RIBC2: variants seen among roughly 807,000 people sequenced by gnomAD.
RIBC2 encodes the protein RIB43A domain with coiled-coils 2, also known as RIB43A-like with coiled-coils protein 2.
In RIBC2, 40 loss-of-function variants were observed where a neutral mutation model predicts 44.3. The ratio of observed to expected loss-of-function variants is 0.90; its 90% CI spans 0.70 to 1.18. The LOEUF (loss-of-function observed/expected upper bound fraction) is 1.18, where lower values mean the gene tolerates loss of function less well. Among genes scored for constraint, RIBC2 ranks in the 50% most tolerant of loss-of-function variants. The pLI is 0.00. For missense variants in RIBC2, 459 were observed against 485.5 expected, an observed-to-expected ratio of 0.95 and a Z score of 0.51; for synonymous variants, 171 against 175.0, an observed-to-expected ratio of 0.98 and a Z score of 0.18.
In RIBC2 at chr22:45,432,445, T is replaced by C; in HGVS notation, c.*83T>C. On this transcript the variant is annotated 3_prime_UTR_variant, in exon 7 of 7. Transcript: ENST00000614167. The stretch of plus-strand genomic sequence containing the variant: ...TCACGTTTCTTTTTTAAAGATACAC[T>C]CCTTGGGCCACAAGTACCCTTCAGC... The C allele has an allele frequency of 2.3e-6, 2 of 868,728 alleles. No homozygotes were observed. The highest frequency in any genetic ancestry group is 3.0e-5 in the South Asian group (2 of 66,554). The allele number at this position is 868,728 out of a possible 1,614,324, so 53.8% of individuals were successfully genotyped here.
At chr22:45,422,851 G>A (rs995171589) in intron 4 of RIBC2, among the ~76,000 whole-genome samples, 2 of 152,056 alleles carry the variant, frequency 1.3e-5, no homozygotes, top group Admixed American at 6.5e-5. Context: ...TAATGAGCTC[G>A]AACACTGGGG....
At position 45,426,087 on chromosome 22, in the gene RIBC2, GCGTGGTCCC is replaced by G. The variant is rs774401266; in HGVS notation, c.816_824del (p.Val273_Pro275del). The G allele has an allele frequency of 6.2e-7, 1 of 1,613,966 alleles. No individual in the cohort carries two copies. Among genetic ancestry groups the G allele is most frequent in the Admixed American group, 1.7e-5 (1 of 60,012 alleles). ...GCAGCCAGCTCCTTCGGGCCCCACC[GCGTGGTCCC>G]TGACCGCTGGAAGGGCATGACCCAG... On this transcript the variant is annotated inframe_deletion, in exon 5 of 7. Coordinates refer to ENST00000614167, the MANE Select transcript of RIBC2 (RefSeq NM_015653.5).
chr22:45,429,411 G>T (rs1191319359), intron 5 of RIBC2, among the ~76,000 whole-genome samples: 1 of 152,172 alleles, frequency 6.6e-6, no homozygotes, highest in East Asian at 1.9e-4. Flanking sequence ...TCTGGAGAGG[G>T]TCTCAAACCT....
intron 4 of RIBC2, among the ~76,000 whole-genome samples, chr22:45,422,815 G>A (rs532982129): frequency 6.6e-6 from 1 of 152,176 alleles, no homozygotes; most frequent in South Asian, 2.1e-4. Flanking sequence ...GATGCTCACC[G>A]ATGGCAGGGA....
chr22:45,425,047 G>T (rs889903654), intron 4 of RIBC2, among the ~76,000 whole-genome samples: 11 of 152,032 alleles, frequency 7.2e-5, no homozygotes, highest in Non-Finnish European at 1.5e-5. Flanking sequence ...CTTGAACCTG[G>T]GAGGCAGAGG....
At chr22:45,414,296 C>G (rs1420474856) in intron 1 of RIBC2, 26 bp from the exon 2 acceptor site, 1 of 1,541,276 alleles carries the variant, frequency 6.5e-7, no homozygotes, top group Non-Finnish European at 8.7e-7. Context: ...GGCTCTAACC[C>G]TTCTCCTCTG....
In RIBC2 at chr22:45,426,231, T is replaced by G. The variant is rs1359428402; in HGVS notation, c.903+56T>G. On this transcript the variant is annotated intron_variant, in intron 5 of 6. Coordinates refer to ENST00000614167, the MANE Select transcript of RIBC2 (RefSeq NM_015653.5). Reference sequence around the variant, plus strand: ...ATAGAGCCAGGCTCTTTGCTCCCACTGCCTTCCAGGCACAAATGTAGTTGT... The same window carrying G: ...ATAGAGCCAGGCTCTTTGCTCCCACGGCCTTCCAGGCACAAATGTAGTTGT... The G allele has an allele frequency of 1.3e-5, 19 of 1,460,648 alleles. No homozygotes were observed. The Admixed American group carries it at 3.4e-4, about 26-fold the overall frequency. 90.5% of individuals were successfully genotyped at this position (1,460,648 alleles called of 1,614,324 possible). A position where few individuals can be genotyped will look rare whatever the true frequency, so the allele number is the denominator to read the frequency against.
In RIBC2 at chr22:45,430,050, C is replaced by T. The variant is rs536689855; in HGVS notation, c.904-850C>T. Among the ~76,000 whole-genome samples, 40 of 152,290 alleles carry T rather than the reference C, an allele frequency of 2.6e-4. No homozygotes were observed. In the East Asian group the frequency reaches 7.7e-3, roughly 29 times the overall value. ...AAGCAGCTTGTGTGATGACCCTGGGCTCCTGAGAGCAGCCTGGCTTTACAG... is the reference window on the plus strand; with the variant it reads ...AAGCAGCTTGTGTGATGACCCTGGGTTCCTGAGAGCAGCCTGGCTTTACAG... On this transcript the variant is annotated intron_variant, in intron 5 of 6. Transcript: ENST00000614167.
chr22:45,423,996 C>A (rs944194465), intron 4 of RIBC2, among the ~76,000 whole-genome samples: 1 of 152,042 alleles, frequency 6.6e-6, no homozygotes, highest in African/African-American at 2.4e-5. Flanking sequence ...TTTATTGAGC[C>A]CTTCCTGCTG....
intron 5 of RIBC2, among the ~76,000 whole-genome samples, chr22:45,430,215 G>C (rs1199064498): frequency 1.3e-5 from 2 of 152,230 alleles, no homozygotes; most frequent in Non-Finnish European, 2.9e-5. Context: ...TTTGGCGGGA[G>C]GAGGCTCTGC....
Position 45,417,542 on chromosome 22 carries a change from G to T in RIBC2, c.212-60G>T, listed in dbSNP as rs2087436397. ...AAAGTAAATAATAAAAAATAAAATG[G>T]ATTCAAATTTATTTTTTCCTCTGAA... On this transcript the variant is annotated intron_variant, in intron 2 of 6. Coordinates refer to ENST00000614167, the MANE Select transcript of RIBC2 (RefSeq NM_015653.5). 3.9e-6 allele frequency: 5 copies of T among 1,266,822 alleles called. No individual in the cohort carries two copies. The South Asian group carries it at 7.3e-5, about 18-fold the overall frequency. 78.5% of individuals were successfully genotyped at this position (1,266,822 alleles called of 1,614,324 possible). A position where few individuals can be genotyped will look rare whatever the true frequency, so the allele number is the denominator to read the frequency against.
At chr22:45,429,885 C>T (rs1031721837) in intron 5 of RIBC2, among the ~76,000 whole-genome samples, 2 of 152,188 alleles carry the variant, frequency 1.3e-5, no homozygotes, top group Non-Finnish European at 2.9e-5. Flanking sequence ...TGCCCGCTTC[C>T]TTTCTGGGTC....
Position 45,417,191 on chromosome 22 carries a change from A to G in RIBC2, c.212-411A>G, listed in dbSNP as rs1032388182. ...GTTGGGATTACAGGTGTGAGCCACC[A>G]CACCCAGCCTCAGGTTTCTTTATAG... On this transcript the variant is annotated intron_variant, in intron 2 of 6. Coordinates refer to ENST00000614167, the MANE Select transcript of RIBC2 (RefSeq NM_015653.5). Among the ~76,000 whole-genome samples, 4 of 152,118 alleles carry G rather than the reference A, an allele frequency of 2.6e-5. No homozygotes were observed. The East Asian group carries it at 5.8e-4, about 22-fold the overall frequency.
rs1316374109 is a variant in RIBC2, at chr22:45,413,952, G to C, written c.66G>C (p.Lys22Asn). The C allele has an allele frequency of 1.3e-6, 2 of 1,551,638 alleles. No homozygotes were observed. The highest frequency in any genetic ancestry group is 1.4e-5 in the African/African-American group (1 of 73,074). ...RDLRQDANLA[K>N]RRHAELCRQK... is the part of the protein sequence containing the mutation. ...TGCGGCAGGACGCCAACCTGGCAAA[G>C]AGGAGGCACGCGGAGCTGTGCAGGC... is the stretch of plus-strand genomic sequence containing the variant. The change falls in exon 1 of 7, where the codon AAG (lysine) becomes AAC (asparagine). Residue 22 changes from lysine to asparagine, a missense_variant. Coordinates refer to ENST00000614167, the MANE Select transcript of RIBC2 (RefSeq NM_015653.5).
In RIBC2 at chr22:45,426,136, G is replaced by A. The variant is rs1202026953; in HGVS notation, c.864G>A (p.Gln288=). The A allele has an allele frequency of 1.9e-6, 3 of 1,613,790 alleles. No homozygotes were observed. The highest frequency in any genetic ancestry group is 2.5e-6 in the Non-Finnish European group (3 of 1,180,038). The part of the protein sequence containing the change: ...WKGMTQEQLE[Q]IRLVQKQQIQ... ...GCATGACCCAGGAGCAGCTGGAGCA[G>A]ATCCGCCTAGTCCAGAAGCAGCAAA... is the stretch of plus-strand genomic sequence containing the variant. Residue 288 remains glutamine (Q), a synonymous_variant, in exon 5 of 7, where the codon CAG becomes CAA. Transcript: ENST00000614167.
chr22:45,429,590 G>A (rs905959646), intron 5 of RIBC2, among the ~76,000 whole-genome samples: 4 of 152,226 alleles, frequency 2.6e-5, no homozygotes, highest in Admixed American at 6.5e-5. Context: ...GGCCAGAGGT[G>A]CACATGTGTG....
intron 4 of RIBC2, among the ~76,000 whole-genome samples, chr22:45,423,613 G>A (rs952758551): frequency 6.6e-6 from 1 of 152,098 alleles, no homozygotes; most frequent in Non-Finnish European, 1.5e-5. Flanking sequence ...GGTGGAGGCA[G>A]GCAGTCAAAA....
intron 5 of RIBC2, among the ~76,000 whole-genome samples, chr22:45,428,287 T>C (rs1395681018): frequency 6.6e-6 from 1 of 152,142 alleles, no homozygotes; most frequent in Admixed American, 6.5e-5. Flanking sequence ...AGATGGCACA[T>C]GCAGACAGCA....
In RIBC2 at chr22:45,422,354, A is replaced by G. The variant is rs1410338283; in HGVS notation, c.621A>G (p.Glu207=). ...CAGCCAAGCACCTCCAGAAGCTGGA[A>G]AGCACCACCAGAAAGGCAGTTTGTG... ...DETAKHLQKL[E]STTRKAVCAS... Residue 207 remains glutamate (E), a synonymous_variant, in exon 4 of 7, where the codon GAA becomes GAG. Coordinates refer to ENST00000614167, the MANE Select transcript of RIBC2 (RefSeq NM_015653.5). 6.2e-7 allele frequency: 1 copy of G among 1,614,200 alleles called. No homozygotes were observed. Among genetic ancestry groups the G allele is most frequent in the Admixed American group, 1.7e-5 (1 of 60,022 alleles).
Sources: allele counts gnomAD v4.1 joint callset (sites outside exome capture counted in the v4.1 genomes callset), GRCh38; gene constraint gnomAD v4.1.1; transcripts MANE v1.5; gene names NCBI Gene and HGNC (gene_info 2026-07-23, HGNC 2026-07-21).